Variants in KCND3 observed in about 807,000 individuals in gnomAD.
KCND3 encodes the protein potassium voltage-gated channel subfamily D member 3, also known as A-type voltage-gated potassium channel KCND3.
KCND3 carries 9 observed loss-of-function variants against 51.1 expected under a neutral mutation model. The observed-to-expected ratio is 0.18, with a 90% CI of 0.11 to 0.31. KCND3 has a LOEUF of 0.31. Among genes scored for constraint, KCND3 ranks in the 10% least tolerant of loss-of-function variants. The pLI is 1.00. For synonymous variants in KCND3, 349 were observed against 368.0 expected, an observed-to-expected ratio of 0.95 and a Z score of 0.59; for missense variants, 526 against 903.8, an observed-to-expected ratio of 0.58 and a Z score of 5.36.
intron 2 of KCND3, among the ~76,000 whole-genome samples, chr1:111,913,678 TG>T (rs1418067694): frequency 3.3e-5 from 5 of 152,110 alleles, no homozygotes; most frequent in African/African-American, 9.7e-5. Flanking sequence ...TTGGCTGAAA[TG>T]GGAGGATCAC....
intron 2 of KCND3, among the ~76,000 whole-genome samples, chr1:111,853,532 C>T (rs1667916867): frequency 6.6e-6 from 1 of 152,174 alleles, no homozygotes; most frequent in Non-Finnish European, 1.5e-5. Context: ...CCCTGATTAC[C>T]CTAATTTGAA....
chr1:111,882,285 C>T (rs970898743), intron 2 of KCND3, among the ~76,000 whole-genome samples: 4 of 152,238 alleles, frequency 2.6e-5, no homozygotes, highest in African/African-American at 9.6e-5. Flanking sequence ...GGGCACTCCT[C>T]ATAGTCTAGA....
chr1:111,806,097 G>T (rs7552313), intron 2 of KCND3, among the ~76,000 whole-genome samples: 1 of 152,048 alleles, frequency 6.6e-6, no homozygotes, highest in African/African-American at 2.4e-5. Context: ...CCCCTGCTAC[G>T]ACACTGACTC....
chr1:111,829,607 C>T (rs1046327574), intron 2 of KCND3, among the ~76,000 whole-genome samples: 1 of 152,174 alleles, frequency 6.6e-6, no homozygotes, highest in African/African-American at 2.4e-5. Context: ...CCCGGTCTCA[C>T]TCTGAGCACT....
chr1:111,872,687 A>G (rs138409130), intron 2 of KCND3, among the ~76,000 whole-genome samples: 1 of 152,336 alleles, frequency 6.6e-6, no homozygotes, highest in East Asian at 1.9e-4. Context: ...TTAGTGCCAG[A>G]CAATAAATGA....
In KCND3 at chr1:111,981,964, T is replaced by C. The variant is rs377517934; in HGVS notation, c.763A>G (p.Ile255Val). Residue 255 changes from isoleucine (I) to valine (V), a missense_variant, in exon 2 of 8, where the codon ATC (isoleucine) becomes GTC (valine). Around this residue, in one of 5 missense-constraint regions of KCND3, gnomAD observed 51 missense variants for 84.7 expected, o/e 0.60. Coordinates refer to ENST00000302127, the MANE Select transcript of KCND3 (RefSeq NM_001378969.1). The surrounding 1 kb of genome is among the most constrained non-coding windows in gnomAD (Gnocchi z 6.2). ...LFAAPSRYRF[I>V]RSVMSIIDVV... is the part of the protein sequence containing the mutation. ...TCGATGATGCTCATGACGCTGCGGA[T>C]GAAGCGGTAGCGGCTGGGAGCCGCG... The C allele has an allele frequency of 2.5e-6, 4 of 1,613,816 alleles. No homozygotes were observed. Among genetic ancestry groups the C allele is most frequent in the Non-Finnish European group, 3.4e-6 (4 of 1,179,986 alleles).
chr1:111,893,776 T>C (rs1298207299), intron 2 of KCND3, among the ~76,000 whole-genome samples: 4 of 152,134 alleles, frequency 2.6e-5, no homozygotes, highest in Non-Finnish European at 5.9e-5. Flanking sequence ...AAAGCCAGCA[T>C]TGGTCTTTGA....
At position 111,773,408 on chromosome 1, in the gene KCND3, C is replaced by CTTTTT. The variant is rs5777079; in HGVS notation, c.*2664_*2668dup. 7.4e-6 allele frequency: 1 copy of CTTTTT among 135,930 alleles called. No homozygotes were observed. The highest frequency in any genetic ancestry group is 1.5e-5 in the Non-Finnish European group (1 of 65,142). The allele number at this position is 135,930 out of a possible 1,614,324, so 8.4% of individuals were successfully genotyped here. Reference sequence around the variant, plus strand: ...TGTGCAACCAGTTCTAATTTACCTCCTTTTTTTTTTTCTTTTCTTTTTTTT... The same window carrying CTTTTT: ...TGTGCAACCAGTTCTAATTTACCTCCTTTTTTTTTTTTTTTTCTTTTCTTTTTTTT... On this transcript the variant is annotated 3_prime_UTR_variant, in exon 8 of 8. Coordinates refer to ENST00000302127, the MANE Select transcript of KCND3 (RefSeq NM_001378969.1).
At chr1:111,776,877 T>C (rs979426177) in intron 7 of KCND3, 149 bp downstream of exon 7, 4 of 1,470,748 alleles carry the variant, frequency 2.7e-6, no homozygotes, top group Non-Finnish European at 3.7e-6. Flanking sequence ...TGGGTTTCCT[T>C]GCAAGGAAAG....
At position 111,823,074 on chromosome 1, in the gene KCND3, AG is replaced by A. The variant is rs534916717; in HGVS notation, c.1107-35969del. On this transcript the variant is annotated intron_variant, in intron 2 of 7. Transcript: ENST00000302127. ...ACGGGGTGGCTATGGGCGGAATCAC[AG>A]AAGCAAGGATCCTACTCTTCCTTGG... Among the ~76,000 whole-genome samples, 37 of 152,328 alleles carry A rather than the reference AG, an allele frequency of 2.4e-4. No individual in the cohort carries two copies. In the South Asian group the frequency reaches 7.7e-3, roughly 32 times the overall value.
At chr1:111,987,717 G>A (rs1415202882) in intron 1 of KCND3, among the ~76,000 whole-genome samples, 2 of 152,296 alleles carry the variant, frequency 1.3e-5, no homozygotes, top group Middle Eastern at 3.4e-3. Context: ...ACAACAGTGC[G>A]GCCCCATTTC....
At chr1:111,859,032 T>G (rs945616203) in intron 2 of KCND3, among the ~76,000 whole-genome samples, 2 of 152,224 alleles carry the variant, frequency 1.3e-5, no homozygotes, top group African/African-American at 4.8e-5. Context: ...TTCTCCCTCC[T>G]ACTCATGTCC....
intron 6 of KCND3, among the ~76,000 whole-genome samples, chr1:111,778,212 G>A (rs1436825631): frequency 3.3e-5 from 5 of 152,108 alleles, no homozygotes; most frequent in Admixed American, 1.3e-4. Context: ...CCCCTTCCAC[G>A]CCCCTGGGGA....
intron 2 of KCND3, among the ~76,000 whole-genome samples, chr1:111,787,364 C>A (rs1414621673): frequency 6.6e-6 from 1 of 152,182 alleles, no homozygotes; most frequent in African/African-American, 2.4e-5. Context: ...TTTGTTGGTT[C>A]TACAAAGAGA....
intron 2 of KCND3, among the ~76,000 whole-genome samples, chr1:111,806,326 G>T (rs1665571227): frequency 6.6e-6 from 1 of 152,206 alleles, no homozygotes; most frequent in African/African-American, 2.4e-5. Context: ...GGCCCTCACG[G>T]CCCGGCCCTC....
chr1:111,817,939 TTC>T (rs1418428591), intron 2 of KCND3, among the ~76,000 whole-genome samples: 1 of 152,164 alleles, frequency 6.6e-6, no homozygotes, highest in Non-Finnish European at 1.5e-5. Context: ...AGTGTTTAGT[TTC>T]TCTCTTTGTT....
intron 2 of KCND3, among the ~76,000 whole-genome samples, chr1:111,815,581 GC>G (rs1345313804): frequency 6.7e-6 from 1 of 150,352 alleles, no homozygotes; most frequent in African/African-American, 2.5e-5. Context: ...GGTTGGTTTA[GC>G]CAGAATCCCC....
intron 2 of KCND3, among the ~76,000 whole-genome samples, chr1:111,942,321 G>A (rs1208841137): frequency 6.6e-6 from 1 of 152,166 alleles, no homozygotes; most frequent in African/African-American, 2.4e-5. Context: ...TTTGTGTGGC[G>A]GGGGAGCAAG....
chr1:111,987,213 T>C (rs2102015150), intron 1 of KCND3, among the ~76,000 whole-genome samples: 1 of 152,202 alleles, frequency 6.6e-6, no homozygotes, highest in Admixed American at 6.5e-5. Flanking sequence ...CTGAGTCCCA[T>C]CACCTTCTCC....
Sources: allele counts gnomAD v4.1 joint callset (sites outside exome capture counted in the v4.1 genomes callset), GRCh38; gene constraint gnomAD v4.1.1; regional missense constraint gnomAD v4.1.1; non-coding constraint Gnocchi (gnomAD v3.1); transcripts MANE v1.5; gene names NCBI Gene and HGNC (gene_info 2026-07-23, HGNC 2026-07-21).